KAZN: variants seen among roughly 807,000 people sequenced by gnomAD.
KAZN encodes kazrin.
KAZN carries 40 observed loss-of-function variants against 87.4 expected under a neutral mutation model. The observed-to-expected ratio is 0.46, with a 90% CI of 0.36 to 0.60. KAZN has a LOEUF of 0.60. KAZN is among the 20% of genes least tolerant of loss of function. The probability of loss-of-function intolerance (pLI) is 0.00; values close to 1 mark genes in which losing one functional copy is unlikely to be tolerated. For missense variants in KAZN, 898 were observed against 1,073.9 expected, an observed-to-expected ratio of 0.84 and a Z score of 2.29; for synonymous variants, 466 against 458.3, an observed-to-expected ratio of 1.02 and a Z score of -0.22.
intron 2 of KAZN, among the ~76,000 whole-genome samples, chr1:15,033,108 CTAGAGA>C (rs1671896420): frequency 6.6e-6 from 1 of 152,006 alleles, no homozygotes; most frequent in Admixed American, 6.6e-5. Flanking sequence ...TGTAAGTGAT[CTAGAGA>C]TAAAGTGTAT....
At chr1:14,616,509 A>G (rs1678254039) in intron 1 of KAZN, among the ~76,000 whole-genome samples, 1 of 152,164 alleles carries the variant, frequency 6.6e-6, no homozygotes, top group East Asian at 1.9e-4. Context: ...GCCCAAATTA[A>G]AACACTATAA....
chr1:15,003,645 T>C (rs1668722169), intron 2 of KAZN, among the ~76,000 whole-genome samples: 1 of 152,208 alleles, frequency 6.6e-6, no homozygotes, highest in Admixed American at 6.5e-5. Context: ...GTGTTCTTTA[T>C]GTTCACGTTC....
Position 15,066,453 on chromosome 1 carries a change from G to C in KAZN, c.1222+700G>C. ...TAAGCTCTGCTCTCTACAAAGACTC[G>C]CGAGCCGGGCCAAGGGGCCTTGTCT... On this transcript the variant is annotated intron_variant, in intron 8 of 14. Transcript: ENST00000376030. This position sits in a 1 kb window ranked among gnomAD's most constrained non-coding sequence, Gnocchi z 4.3. 4.1e-6 allele frequency: 4 copies of C among 985,310 alleles called. No homozygotes were observed. The highest frequency in any genetic ancestry group is 4.8e-6 in the Non-Finnish European group (4 of 829,930). 61.0% of individuals were successfully genotyped at this position (985,310 alleles called of 1,614,324 possible). A position where few individuals can be genotyped will look rare whatever the true frequency, so the allele number is the denominator to read the frequency against.
chr1:14,229,448 T>C (rs1647603003), intron 2 of KAZN, among the ~76,000 whole-genome samples: 1 of 152,230 alleles, frequency 6.6e-6, no homozygotes, highest in African/African-American at 2.4e-5. Context: ...TTTATGTCTG[T>C]GTAACATATT....
intron 1 of KAZN, among the ~76,000 whole-genome samples, chr1:14,754,272 T>C (rs1480031586): frequency 6.6e-6 from 1 of 152,128 alleles, no homozygotes; most frequent in Non-Finnish European, 1.5e-5. Flanking sequence ...AGTGGAGGGA[T>C]TTTGTTGCAC....
At position 15,103,353 on chromosome 1, in the gene KAZN, C is replaced by T. The variant is rs770674763; in HGVS notation, c.1780-6C>T. The T allele has an allele frequency of 6.5e-7, 1 of 1,550,352 alleles. No homozygotes were observed. Among genetic ancestry groups the T allele is most frequent in the African/African-American group, 1.4e-5 (1 of 73,152 alleles). On this transcript the variant is annotated splice_region_variant and splice_polypyrimidine_tract_variant and intron_variant, in intron 11 of 14. Transcript: ENST00000376030. ...CCCTCCGAATGACCCACTGTCTCCC[C>T]ACAAGGCCCTCCAGGAGCGCCGGGC...
At chr1:14,374,298 T>C (rs897480055) in intron 2 of KAZN, among the ~76,000 whole-genome samples, 45 of 152,132 alleles carry the variant, frequency 3.0e-4, no homozygotes, top group African/African-American at 9.9e-4. Flanking sequence ...AGGAGAGAGC[T>C]AATCTCACAA....
exon 1 of KAZN, chr1:13,893,589 C>A (rs1037699764): frequency 6.6e-7 from 1 of 1,515,916 alleles, no homozygotes; most frequent in South Asian, 1.2e-5. Context: ...CCTGGGCCAG[C>A]GACGGCATCC....
At chr1:14,384,010 C>G (rs1342752913) in intron 2 of KAZN, among the ~76,000 whole-genome samples, 2 of 152,084 alleles carry the variant, frequency 1.3e-5, no homozygotes, top group Non-Finnish European at 2.9e-5. Context: ...GTTTGTAGCT[C>G]TGCTTGAAGA....
intron 1 of KAZN, among the ~76,000 whole-genome samples, chr1:14,117,677 G>A (rs1644657610): frequency 1.3e-5 from 2 of 152,078 alleles, no homozygotes; most frequent in South Asian, 4.2e-4. Context: ...CTGAATCCCA[G>A]ATCTGCCAGT....
chr1:14,718,772 T>C (rs1287241779), intron 1 of KAZN, among the ~76,000 whole-genome samples: 1 of 152,190 alleles, frequency 6.6e-6, no homozygotes, highest in Admixed American at 6.5e-5. Flanking sequence ...TTAATTTAAC[T>C]CCTAAACTAC....
intron 1 of KAZN, among the ~76,000 whole-genome samples, chr1:14,945,483 C>T (rs1263279930): frequency 3.3e-5 from 5 of 152,266 alleles, no homozygotes; most frequent in South Asian, 4.1e-4. Flanking sequence ...TCCCAGATGG[C>T]GCCTTCTGGA....
chr1:15,044,919 C>T (rs1052647382), intron 4 of KAZN, among the ~76,000 whole-genome samples: 2 of 152,202 alleles, frequency 1.3e-5, no homozygotes, highest in Non-Finnish European at 2.9e-5. Flanking sequence ...AAATGTCTTA[C>T]TTGGGTCATT....
intron 2 of KAZN, among the ~76,000 whole-genome samples, chr1:14,365,504 G>A (rs542375145): frequency 3.2e-4 from 48 of 152,232 alleles, no homozygotes; most frequent in African/African-American, 1.0e-3. Context: ...GAGACCCTGG[G>A]GGTTAAAACG....
rs112541647 is a variant in KAZN, at chr1:14,615,975, T to A, written c.226+16752T>A. ...TCTCACCTGGCTTGAGCAGAGGTGA[T>A]GTCAGCCTCCCAACTCTGCCAGAGA... On this transcript the variant is annotated intron_variant, in intron 1 of 14. Coordinates refer to ENST00000376030, the MANE Select transcript of KAZN (RefSeq NM_201628.3). Among the ~76,000 whole-genome samples, 252 of 152,316 alleles carry A rather than the reference T, an allele frequency of 1.7e-3. 2 individuals are homozygous for A. The highest frequency in any genetic ancestry group is 5.7e-3 in the African/African-American group (238 of 41,572).
chr1:13,916,513 C>A (rs149625425), intron 1 of KAZN, among the ~76,000 whole-genome samples: 1 of 152,282 alleles, frequency 6.6e-6, no homozygotes, highest in East Asian at 1.9e-4. Context: ...AGCATCCCTA[C>A]GTGCCAGGTG....
At chr1:14,827,504 G>C (rs866541617) in intron 1 of KAZN, among the ~76,000 whole-genome samples, 1 of 152,160 alleles carries the variant, frequency 6.6e-6, no homozygotes, top group African/African-American at 2.4e-5. Flanking sequence ...GAGAACATGC[G>C]ACGTTTGCTT....
At chr1:14,450,712 C>T (rs1249627843) in intron 2 of KAZN, among the ~76,000 whole-genome samples, 1 of 152,184 alleles carries the variant, frequency 6.6e-6, no homozygotes, top group African/African-American at 2.4e-5. Context: ...CCAAGTTTTA[C>T]AAACCCCGGA....
intron 2 of KAZN, among the ~76,000 whole-genome samples, chr1:14,579,009 G>C (rs543854167): frequency 6.6e-6 from 1 of 152,248 alleles, no homozygotes; most frequent in African/African-American, 2.4e-5. Context: ...AATGTAAGTT[G>C]AATATTGTAG....
Sources: allele counts gnomAD v4.1 joint callset (sites outside exome capture counted in the v4.1 genomes callset), GRCh38; gene constraint gnomAD v4.1.1; non-coding constraint Gnocchi (gnomAD v3.1); transcripts MANE v1.5; gene names NCBI Gene and HGNC (gene_info 2026-07-23, HGNC 2026-07-21).